The following ASCC3 variants were observed in gnomAD, a reference collection of about 807,000 sequenced individuals.
ASCC3 encodes activating signal cointegrator 1 complex subunit 3.
ASCC3 carries 158 observed loss-of-function variants against 256.3 expected under a neutral mutation model. That is an observed-to-expected ratio of 0.62 (90% CI 0.54 to 0.70). The LOEUF is 0.70. ASCC3 is among the 30% of genes least tolerant of loss of function. ASCC3 has a pLI of 0.00. For synonymous variants in ASCC3, 948 were observed against 883.4 expected (o/e 1.07, Z -1.30); for missense variants, 2,259 against 2,626.0 (o/e 0.86, Z 3.05).
At chr6:100,783,696 T>C (rs1400216961) in intron 8 of ASCC3, among the ~76,000 whole-genome samples, 1 of 152,186 alleles carries the variant, frequency 6.6e-6, no homozygotes, top group Non-Finnish European at 1.5e-5. Flanking sequence ...CTACATAATT[T>C]GTGACAAGTC....
chr6:100,864,303 C>T, intron 2 of ASCC3, 89 bp from the exon 3 acceptor site: 2 of 1,146,906 alleles, frequency 1.7e-6, no homozygotes, highest in African/African-American at 1.5e-5. Flanking sequence ...TTACATTATA[C>T]AACTTGGTAC....
In ASCC3 at chr6:100,512,797, C is replaced by G. The variant is rs145420307; in HGVS notation, c.6197G>C (p.Arg2066Pro). The change falls in exon 40 of 42, where the codon CGA (arginine) becomes CCA (proline). Residue 2066 changes from arginine to proline, a missense_variant. This residue lies in a region of ASCC3 where 1,839 missense variants were observed against 2,206.7 expected (regional missense o/e 0.83). Transcript: ENST00000369162. ...LSVSTLTADK[R>P]DDNKWIKLHA... is the part of the protein sequence containing the mutation. ...CAATTTGATCCATTTGTTGTCATCTCGTTTGTCTGCAGTCAGAGTTGAGAC... is the reference window on the plus strand; with the variant it reads ...CAATTTGATCCATTTGTTGTCATCTGGTTTGTCTGCAGTCAGAGTTGAGAC... 2 of 1,613,980 alleles carry G rather than the reference C, an allele frequency of 1.2e-6. No homozygotes were observed. Among genetic ancestry groups the G allele is most frequent in the African/African-American group, 1.3e-5 (1 of 74,914 alleles).
chr6:100,798,212 G>A (rs918136898), intron 8 of ASCC3, among the ~76,000 whole-genome samples: 1 of 152,152 alleles, frequency 6.6e-6, no homozygotes. Context: ...TAGAGCAAAT[G>A]TGCCAAAATT....
chr6:100,873,054 T>C (rs937359242), intron 1 of ASCC3, among the ~76,000 whole-genome samples: 5 of 152,048 alleles, frequency 3.3e-5, no homozygotes, highest in Admixed American at 1.3e-4. Context: ...CTGATTTACC[T>C]GAAAAAGAAT....
At chr6:100,567,313 A>G (rs1455634757) in intron 36 of ASCC3, among the ~76,000 whole-genome samples, 1 of 151,990 alleles carries the variant, frequency 6.6e-6, no homozygotes, top group African/African-American at 2.4e-5. Context: ...TTTTCCTTTC[A>G]CTAAACAGTA....
chr6:100,868,737 G>T (rs1011476761), intron 1 of ASCC3, among the ~76,000 whole-genome samples: 2 of 152,146 alleles, frequency 1.3e-5, no homozygotes, highest in African/African-American at 4.8e-5. Flanking sequence ...ATAAGTATCT[G>T]TTAATGAATA....
intron 8 of ASCC3, among the ~76,000 whole-genome samples, chr6:100,775,737 T>G (rs1164845688): frequency 6.6e-6 from 1 of 152,084 alleles, no homozygotes; most frequent in African/African-American, 2.4e-5. Context: ...CCCTATAAAG[T>G]TTCTTTTTAT....
At chr6:100,705,469 A>G (rs1778534567) in intron 13 of ASCC3, among the ~76,000 whole-genome samples, 1 of 152,018 alleles carries the variant, frequency 6.6e-6, no homozygotes, top group Admixed American at 6.6e-5. Flanking sequence ...GTTGCCTGAG[A>G]GTCATAGTTC....
intron 14 of ASCC3, 116 bp from the exon 15 acceptor site, chr6:100,662,652 G>A (rs1776283146): frequency 1.1e-6 from 1 of 892,824 alleles, no homozygotes; most frequent in African/African-American, 1.7e-5. Context: ...GCATCTTAAG[G>A]TATTACTAGG....
At chr6:100,741,885 T>A (rs552914995) in intron 10 of ASCC3, among the ~76,000 whole-genome samples, 1 of 152,330 alleles carries the variant, frequency 6.6e-6, no homozygotes, top group East Asian at 1.9e-4. Context: ...GCCATCTCAG[T>A]CTCAAACCAG....
chr6:100,857,626 T>C (rs78709978), intron 3 of ASCC3: 232 of 152,140 alleles, frequency 1.5e-3, no homozygotes, highest in African/African-American at 5.3e-3. Flanking sequence ...CTCACTATTG[T>C]TTGGCCTTCA....
rs1781673716 is a variant in ASCC3 at position 100,766,702 on chromosome 6, C to T, written c.1600G>A (p.Val534Ile). 1 of 1,613,990 alleles carries T rather than the reference C, an allele frequency of 6.2e-7. No individual in the cohort carries two copies. Among genetic ancestry groups the T allele is most frequent in the African/African-American group, 1.3e-5 (1 of 75,040 alleles). Residue 534 changes from valine (V) to isoleucine (I), a missense_variant, in exon 10 of 42, where the codon GTA (valine) becomes ATA (isoleucine). By Grantham distance (29) the Val-to-Ile change is conservative. Around this residue, in one of 2 missense-constraint regions of ASCC3, gnomAD observed 1,839 missense variants for 2,206.7 expected, o/e 0.83. Coordinates refer to ENST00000369162, the MANE Select transcript of ASCC3 (RefSeq NM_006828.4). ...GVIKKNEFKIVYVAPMKALAA... is the reference protein window; with the variant it reads ...GVIKKNEFKIIYVAPMKALAA... ...AAGGCTTTCATTGGAGCAACATATA[C>T]AATCTATACCAAAGGAACACTAGCT...
chr6:100,646,902 T>C (rs1775409227), intron 21 of ASCC3, 133 bp from the exon 22 acceptor site: 1 of 954,194 alleles, frequency 1.0e-6, no homozygotes, highest in African/African-American at 1.6e-5. Context: ...ATAGCTGACA[T>C]TCTTGACCTG....
chr6:100,641,049 GAAGA>G (rs1775099392), intron 24 of ASCC3, among the ~76,000 whole-genome samples: 1 of 152,036 alleles, frequency 6.6e-6, no homozygotes, highest in African/African-American at 2.4e-5. Flanking sequence ...TTCTGAAAAA[GAAGA>G]AATAAACTTA....
In ASCC3 at chr6:100,608,162, A is replaced by G. The variant is rs1294749263; in HGVS notation, c.4786-1074T>C. Among the ~76,000 whole-genome samples the G allele has an allele frequency of 3.7e-4, 39 of 106,394 alleles. 1 individual carries two copies. The highest frequency in any genetic ancestry group is 1.4e-3 in the African/African-American group (38 of 26,262). The allele number at this position is 106,394 out of a possible 152,430, so 69.8% of individuals were successfully genotyped here. ...TATATATATCTATATATACATATTTATATACATATTTATATATGTGTGTGT... is the reference window on the plus strand; with the variant it reads ...TATATATATCTATATATACATATTTGTATACATATTTATATATGTGTGTGT... On this transcript the variant is annotated intron_variant, in intron 30 of 41. Transcript: ENST00000369162.
intron 37 of ASCC3, among the ~76,000 whole-genome samples, chr6:100,525,242 G>C (rs933957526): frequency 1.3e-5 from 2 of 150,592 alleles, no homozygotes; most frequent in African/African-American, 4.9e-5. Flanking sequence ...GTTGAAGTGA[G>C]GCATGTCTGT....
chr6:100,588,323 C>T (rs952313562), intron 36 of ASCC3, among the ~76,000 whole-genome samples: 6 of 151,998 alleles, frequency 3.9e-5, no homozygotes, highest in African/African-American at 1.2e-4. Context: ...TAGATAAATA[C>T]GAAAGAAGTT....
chr6:100,738,750 G>A (rs1313090533), intron 10 of ASCC3, among the ~76,000 whole-genome samples: 1 of 152,004 alleles, frequency 6.6e-6, no homozygotes, highest in Admixed American at 6.6e-5. Context: ...TTCTAATTCT[G>A]TGAAGAATGT....
At position 100,509,948 on chromosome 6, in the gene ASCC3, G is replaced by A; in HGVS notation, c.6445C>T (p.Pro2149Ser). 6.2e-7 allele frequency: 1 copy of A among 1,613,644 alleles called. No homozygotes were observed. Among genetic ancestry groups the A allele is most frequent in the East Asian group, 2.2e-5 (1 of 44,862 alleles). The change falls in exon 41 of 42, where the codon CCT becomes TCT. Residue 2149 changes from proline (P) to serine (S), a missense_variant. By Grantham distance (74) the Pro-to-Ser change is moderately conservative. Coordinates refer to ENST00000369162, the MANE Select transcript of ASCC3 (RefSeq NM_006828.4). ...TCTTCTTACCTTCCAGGTATTTCAG[G>A]GGTATAAAAAGAAAGGGAAGCAACA... The part of the protein sequence containing the change: ...HHVASLSFYT[P>S]EIPGRYIYTL...
Sources: allele counts gnomAD v4.1 joint callset (sites outside exome capture counted in the v4.1 genomes callset), GRCh38; gene constraint gnomAD v4.1.1; regional missense constraint gnomAD v4.1.1; transcripts MANE v1.5; gene names NCBI Gene and HGNC (gene_info 2026-07-23, HGNC 2026-07-21).